Variants in PTPRG observed in about 807,000 individuals in gnomAD.
PTPRG encodes protein tyrosine phosphatase receptor type G.
In PTPRG, 102 loss-of-function variants were observed where a neutral mutation model predicts 165.3. The ratio of observed to expected loss-of-function variants is 0.62; its 90% CI spans 0.53 to 0.73. The LOEUF is 0.73. PTPRG is among the 30% of genes least tolerant of loss of function. PTPRG has a pLI of 0.00. For missense variants in PTPRG, 1,866 were observed against 1,861.4 expected (o/e 1.00, Z -0.05); for synonymous variants, 675 against 669.5 (o/e 1.01, Z -0.13).
chr3:61,621,047 ATATATGTGTG>A (rs1279301149), intron 1 of PTPRG, among the ~76,000 whole-genome samples: 1 of 97,160 alleles, frequency 1.0e-5, no homozygotes, highest in African/African-American at 3.6e-5. Flanking sequence ...ATATATATAT[ATATATGTGTG>A]TGTGTGTGTG....
In PTPRG at chr3:62,224,633, G is replaced by A. The variant is rs1187019537; in HGVS notation, c.2288+5650G>A. 6.6e-6 allele frequency among the ~76,000 whole-genome samples: 1 copy of A among 152,182 alleles called. No homozygotes were observed. The highest frequency in any genetic ancestry group is 1.5e-5 in the Non-Finnish European group (1 of 68,040). Reference sequence around the variant, plus strand: ...ATGTTTCCTGAAAGGGAGAACTTTGGAGACCAATCATTAGTCTGTACTTAA... The same window carrying A: ...ATGTTTCCTGAAAGGGAGAACTTTGAAGACCAATCATTAGTCTGTACTTAA... On this transcript the variant is annotated intron_variant, in intron 13 of 29. Transcript: ENST00000474889. The surrounding 1 kb of genome is among the most constrained non-coding windows in gnomAD (Gnocchi z 4.9).
intron 2 of PTPRG, among the ~76,000 whole-genome samples, chr3:61,821,649 CAG>C (rs2035961932): frequency 6.6e-6 from 1 of 152,030 alleles, no homozygotes; most frequent in African/African-American, 2.4e-5. Flanking sequence ...GCATAGAAGA[CAG>C]AGGCAAAAGA....
intron 2 of PTPRG, among the ~76,000 whole-genome samples, chr3:61,892,692 T>C (rs886736433): frequency 3.3e-5 from 5 of 152,014 alleles, no homozygotes; most frequent in African/African-American, 1.2e-4. Context: ...GGAACGTTCC[T>C]GTAATCCCAG....
At chr3:61,840,238 T>G (rs1317183952) in intron 2 of PTPRG, among the ~76,000 whole-genome samples, 1 of 152,168 alleles carries the variant, frequency 6.6e-6, no homozygotes. Context: ...TGCTTTTAGT[T>G]TTTTGACTAA....
chr3:61,940,698 C>T (rs2039602499), intron 2 of PTPRG, among the ~76,000 whole-genome samples: 1 of 149,968 alleles, frequency 6.7e-6, no homozygotes. Flanking sequence ...GAGTCTCGCT[C>T]TGTTGGCCAG....
intron 6 of PTPRG, among the ~76,000 whole-genome samples, chr3:62,148,713 G>A (rs1034532150): frequency 6.6e-6 from 1 of 152,168 alleles, no homozygotes; most frequent in Admixed American, 6.5e-5. Flanking sequence ...AGTGAGCTGA[G>A]GTCACGCCAC....
chr3:62,180,189 A>C (rs1290988267), intron 8 of PTPRG, among the ~76,000 whole-genome samples: 1 of 152,212 alleles, frequency 6.6e-6, no homozygotes, highest in Non-Finnish European at 1.5e-5. Flanking sequence ...TCACTGGTTG[A>C]TTTCCTGACG....
intron 8 of PTPRG, among the ~76,000 whole-genome samples, chr3:62,173,446 C>T (rs1162627868): frequency 6.6e-6 from 1 of 152,076 alleles, no homozygotes; most frequent in Non-Finnish European, 1.5e-5. Context: ...CCAGAGTTGG[C>T]CTTGGGACTG....
chr3:62,262,793 A>G lies in PTPRG; in HGVS notation c.2560-5A>G, dbSNP rs755791906. ...TGTCTATAATCTTGCTGTTTTCTTCACTAGGAAGTCCAGCGCTGTACTGCT... is the reference window on the plus strand; with the variant it reads ...TGTCTATAATCTTGCTGTTTTCTTCGCTAGGAAGTCCAGCGCTGTACTGCT... On this transcript the variant is annotated splice_polypyrimidine_tract_variant and splice_region_variant and intron_variant, in intron 16 of 29. Transcript: ENST00000474889. 5 of 1,606,260 alleles carry G rather than the reference A, an allele frequency of 3.1e-6. No individual in the cohort carries two copies. Among genetic ancestry groups the G allele is most frequent in the Admixed American group, 1.7e-5 (1 of 58,986 alleles).
At chr3:61,677,705 G>T (rs1278109230) in intron 1 of PTPRG, among the ~76,000 whole-genome samples, 9 of 152,068 alleles carry the variant, frequency 5.9e-5, no homozygotes. Flanking sequence ...CTTTGATTTG[G>T]AACAAACCAA....
intron 1 of PTPRG, among the ~76,000 whole-genome samples, chr3:61,563,773 C>T (rs1375380808): frequency 6.6e-6 from 1 of 151,814 alleles, no homozygotes; most frequent in African/African-American, 2.4e-5. Context: ...GTCGTGCGAC[C>T]CGGAGCAGGG....
At chr3:61,757,008 A>C (rs1204749218) in intron 2 of PTPRG, among the ~76,000 whole-genome samples, 1 of 152,180 alleles carries the variant, frequency 6.6e-6, no homozygotes, top group Non-Finnish European at 1.5e-5. Context: ...ACACGTGTGC[A>C]TGTCTCCAAA....
intron 1 of PTPRG, among the ~76,000 whole-genome samples, chr3:61,672,818 A>AGG (rs150830472): frequency 1.2e-4 from 17 of 144,038 alleles, no homozygotes; most frequent in African/African-American, 4.3e-4. Context: ...AGAGGGAGAG[A>AGG]GAGAGGGAGA....
At chr3:62,061,416 T>C (rs1700806507) in intron 4 of PTPRG, among the ~76,000 whole-genome samples, 1 of 152,074 alleles carries the variant, frequency 6.6e-6, no homozygotes. Flanking sequence ...TGACACCATC[T>C]CCGGTAGACT....
At chr3:61,753,986 TTTTTG>T (rs1331842932) in intron 2 of PTPRG, among the ~76,000 whole-genome samples, 1 of 152,196 alleles carries the variant, frequency 6.6e-6, no homozygotes, top group Non-Finnish European at 1.5e-5. Context: ...CCTCTGCTTT[TTTTTG>T]TTTTAACTTA....
intron 1 of PTPRG, among the ~76,000 whole-genome samples, chr3:61,624,273 C>T (rs2106910045): frequency 6.6e-6 from 1 of 152,164 alleles, no homozygotes; most frequent in South Asian, 2.1e-4. Flanking sequence ...TGAAAATCTA[C>T]CCCCTCCTCC....
chr3:61,974,623 G>A (rs893958916), intron 2 of PTPRG, among the ~76,000 whole-genome samples: 5 of 152,054 alleles, frequency 3.3e-5, no homozygotes, highest in Admixed American at 3.3e-4. Flanking sequence ...CTGTCTTTAG[G>A]CAACAAAAGC....
chr3:61,900,320 T>A (rs1037103844), intron 2 of PTPRG, among the ~76,000 whole-genome samples: 1 of 152,230 alleles, frequency 6.6e-6, no homozygotes, highest in Non-Finnish European at 1.5e-5. Context: ...TTTGAGAATT[T>A]AATTAGAAAA....
At chr3:62,128,175 G>A (rs922910000) in intron 5 of PTPRG, among the ~76,000 whole-genome samples, 1 of 152,188 alleles carries the variant, frequency 6.6e-6, no homozygotes, top group Non-Finnish European at 1.5e-5. Context: ...CTGCTCTGAA[G>A]TGGAAGTGCC....
Sources: gnomAD v4.1 joint callset for allele counts (sites outside exome capture counted in the v4.1 genomes callset) on GRCh38, gnomAD v4.1.1 for gene constraint, Gnocchi (gnomAD v3.1) non-coding constraint, MANE v1.5 for transcripts, NCBI Gene and HGNC (gene_info 2026-07-23, HGNC 2026-07-21) for gene names.